Variants in AGBL4 observed in about 807,000 individuals in gnomAD.
AGBL4 encodes AGBL carboxypeptidase 4.
A neutral mutation model predicts 66.4 loss-of-function variants in AGBL4; 58 were observed. The observed-to-expected ratio is 0.87, with a 90% CI of 0.71 to 1.09. The LOEUF (loss-of-function observed/expected upper bound fraction) is 1.09. Among genes scored for constraint, AGBL4 ranks in the 50% least tolerant of loss-of-function variants. AGBL4 has a pLI of 0.00. For missense variants in AGBL4, 579 were observed against 631.0 expected (o/e 0.92, Z 0.88); for synonymous variants, 234 against 222.9 (o/e 1.05, Z -0.44).
chr1:48,531,251 C>T (rs1046671458), downstream of AGBL4, among the ~76,000 whole-genome samples: 3 of 151,788 alleles, frequency 2.0e-5, no homozygotes, highest in Non-Finnish European at 4.4e-5. Context: ...TTATCAGAGT[C>T]CATATATGCT....
chr1:49,380,606 T>C (rs1206058560), intron 3 of AGBL4, among the ~76,000 whole-genome samples: 13 of 152,146 alleles, frequency 8.5e-5, no homozygotes, highest in Non-Finnish European at 1.3e-4. Flanking sequence ...ACTACAAGGC[T>C]ATAGTAACCA....
At chr1:48,891,179 G>A (rs2148856010) in intron 5 of AGBL4, among the ~76,000 whole-genome samples, 1 of 152,264 alleles carries the variant, frequency 6.6e-6, no homozygotes, top group East Asian at 1.9e-4. Context: ...CTCCCTAACA[G>A]GCAGATATCA....
chr1:49,875,532 A>G (rs1220169955), intron 1 of AGBL4, among the ~76,000 whole-genome samples: 1 of 147,240 alleles, frequency 6.8e-6, no homozygotes, highest in African/African-American at 2.5e-5. Flanking sequence ...TATATGTGCC[A>G]CATTTTCTTA....
At chr1:49,920,030 AG>A (rs1455241259) in intron 1 of AGBL4, among the ~76,000 whole-genome samples, 1 of 152,208 alleles carries the variant, frequency 6.6e-6, no homozygotes, top group Admixed American at 6.5e-5. Context: ...AAAACTGGCT[AG>A]CCATATGTAG....
intron 3 of AGBL4, among the ~76,000 whole-genome samples, chr1:49,660,540 T>C (rs1646247885): frequency 6.6e-6 from 1 of 152,198 alleles, no homozygotes; most frequent in Non-Finnish European, 1.5e-5. Context: ...GAAGACAGTG[T>C]GGTAATTCAT....
At chr1:49,774,667 A>G (rs1644151577) in intron 2 of AGBL4, among the ~76,000 whole-genome samples, 1 of 152,212 alleles carries the variant, frequency 6.6e-6, no homozygotes, top group Admixed American at 6.5e-5. Flanking sequence ...GTTTTCTATC[A>G]TGACTGAAGA....
intron 4 of AGBL4, among the ~76,000 whole-genome samples, chr1:49,124,104 G>A (rs1022841765): frequency 1.3e-5 from 2 of 152,132 alleles, no homozygotes; most frequent in Admixed American, 1.3e-4. Flanking sequence ...AAGAAGTTCT[G>A]TATTTTTATA....
At chr1:49,218,506 T>C (rs955522640) in intron 4 of AGBL4, among the ~76,000 whole-genome samples, 2 of 151,700 alleles carry the variant, frequency 1.3e-5, no homozygotes, top group Non-Finnish European at 2.9e-5. Context: ...TTATCCAAAG[T>C]TACATAGCTG....
chr1:49,792,829 C>A (rs909677094), intron 2 of AGBL4, among the ~76,000 whole-genome samples: 1 of 151,794 alleles, frequency 6.6e-6, no homozygotes, highest in East Asian at 1.9e-4. Flanking sequence ...TAGGTATAGG[C>A]GTAAAACAGA....
At chr1:49,347,500 C>T (rs1645657601) in intron 3 of AGBL4, among the ~76,000 whole-genome samples, 1 of 152,000 alleles carries the variant, frequency 6.6e-6, no homozygotes, top group Non-Finnish European at 1.5e-5. Flanking sequence ...ATCCGCCCGC[C>T]TCAGCTTCCC....
intron 1 of AGBL4, among the ~76,000 whole-genome samples, chr1:49,958,900 A>T (rs1038389327): frequency 2.0e-5 from 3 of 151,836 alleles, no homozygotes; most frequent in Non-Finnish European, 4.4e-5. Context: ...ATCACTTCTG[A>T]CAAAGTGGCA....
At chr1:49,279,143 G>C (rs1644227476) in intron 3 of AGBL4, among the ~76,000 whole-genome samples, 1 of 152,152 alleles carries the variant, frequency 6.6e-6, no homozygotes, top group Admixed American at 6.6e-5. Flanking sequence ...AGAGAACACT[G>C]AGATCTCCCC....
At chr1:49,034,777 A>G (rs1358065064) in intron 5 of AGBL4, among the ~76,000 whole-genome samples, 1 of 152,072 alleles carries the variant, frequency 6.6e-6, no homozygotes, top group Non-Finnish European at 1.5e-5. Flanking sequence ...TTCTACCATG[A>G]CTGTAAGTTT....
At chr1:49,954,316 A>G (rs1403400047) in intron 1 of AGBL4, among the ~76,000 whole-genome samples, 1 of 152,058 alleles carries the variant, frequency 6.6e-6, no homozygotes, top group Non-Finnish European at 1.5e-5. Flanking sequence ...CAGTATTAAC[A>G]GTATTAAGAG....
At chr1:48,941,936 C>T (rs1483770873) in intron 5 of AGBL4, among the ~76,000 whole-genome samples, 1 of 152,124 alleles carries the variant, frequency 6.6e-6, no homozygotes, top group African/African-American at 2.4e-5. Context: ...GCCAGAAGGG[C>T]CCAAGTCTCT....
intron 6 of AGBL4, among the ~76,000 whole-genome samples, chr1:48,727,336 G>GA (rs1647349438): frequency 6.6e-6 from 1 of 152,184 alleles, no homozygotes; most frequent in African/African-American, 2.4e-5. Flanking sequence ...TGAAGTCAGA[G>GA]AAAGAGATCT....
intron 3 of AGBL4, among the ~76,000 whole-genome samples, chr1:49,564,431 C>G (rs1644137965): frequency 6.6e-6 from 1 of 152,090 alleles, no homozygotes; most frequent in Non-Finnish European, 1.5e-5. Flanking sequence ...CCTGCTTTCT[C>G]TTGTAGGCAT....
intron 5 of AGBL4, among the ~76,000 whole-genome samples, chr1:49,004,705 C>A (rs946267838): frequency 2.0e-5 from 3 of 152,158 alleles, no homozygotes; most frequent in African/African-American, 7.2e-5. Flanking sequence ...GAAGGCAGGC[C>A]TGAATCTTCC....
chr1:49,740,116 A>C (rs528002466), intron 2 of AGBL4, among the ~76,000 whole-genome samples: 2 of 152,356 alleles, frequency 1.3e-5, no homozygotes, highest in East Asian at 3.9e-4. Flanking sequence ...AATTGGATAA[A>C]GAGGCAAGAT....
Sources: allele counts gnomAD v4.1 joint callset (sites outside exome capture counted in the v4.1 genomes callset), GRCh38; gene constraint gnomAD v4.1.1; transcripts MANE v1.5; gene names NCBI Gene and HGNC (gene_info 2026-07-23, HGNC 2026-07-21).